ZFP82: variants seen among roughly 807,000 people sequenced by gnomAD.
ZFP82 encodes the protein zinc finger protein 82 homolog.
In ZFP82, 30 loss-of-function variants were observed where a neutral mutation model predicts 54.0. The observed-to-expected ratio is 0.56, with a 90% CI of 0.42 to 0.75. ZFP82 has a LOEUF of 0.75. ZFP82 is among the 30% of genes least tolerant of loss of function. The probability of loss-of-function intolerance (pLI) is 0.00; values close to 1 mark genes in which losing one functional copy is unlikely to be tolerated. For synonymous variants in ZFP82, 194 were observed against 209.5 expected, an observed-to-expected ratio of 0.93 and a Z score of 0.64; for missense variants, 500 against 636.8, an observed-to-expected ratio of 0.79 and a Z score of 2.31.
intron 1 of ZFP82, among the ~76,000 whole-genome samples, chr19:36,417,072 C>CAAAAAAA (rs140495874): frequency 3.0e-5 from 2 of 65,646 alleles, no homozygotes. Context: ...GACCCTGTCT[C>CAAAAAAA]AAAAAAAAAA....
intron 4 of ZFP82, among the ~76,000 whole-genome samples, chr19:36,402,110 T>C (rs2032394531): frequency 1.3e-5 from 2 of 152,250 alleles, no homozygotes; most frequent in Admixed American, 6.5e-5. Flanking sequence ...ACTTGGAACC[T>C]CTGCAATACA....
chr19:36,402,252 A>G (rs556154426), intron 4 of ZFP82, among the ~76,000 whole-genome samples: 2 of 152,222 alleles, frequency 1.3e-5, no homozygotes, highest in South Asian at 4.2e-4. Flanking sequence ...GCGGATCACA[A>G]GGTCAGGAGA....
intron 3 of ZFP82, among the ~76,000 whole-genome samples, chr19:36,407,178 G>A (rs967415592): frequency 6.9e-6 from 1 of 145,462 alleles, no homozygotes; most frequent in Non-Finnish European, 1.5e-5. Flanking sequence ...CCGGGTTCAC[G>A]CCATTCTCCT....
At chr19:36,406,916 C>T (rs897511097) in intron 3 of ZFP82, among the ~76,000 whole-genome samples, 6 of 152,080 alleles carry the variant, frequency 3.9e-5, no homozygotes, top group Admixed American at 6.5e-5. Flanking sequence ...ATATCCATCA[C>T]CTCAAATATT....
chr19:36,394,905 T>A (rs573746105), intron 4 of ZFP82: 4 of 152,290 alleles, frequency 2.6e-5, no homozygotes, highest in Admixed American at 2.6e-4. Flanking sequence ...CCTATAAACC[T>A]CCTCAAGGAC....
intron 4 of ZFP82, among the ~76,000 whole-genome samples, chr19:36,401,047 A>G (rs1390095862): frequency 7.3e-6 from 1 of 136,166 alleles, no homozygotes; most frequent in Admixed American, 7.9e-5. Context: ...TTTTATCTCA[A>G]TGGCTGCCCC....
chr19:36,408,614 G>A (rs1017661782), intron 2 of ZFP82, among the ~76,000 whole-genome samples: 3 of 152,140 alleles, frequency 2.0e-5, no homozygotes, highest in African/African-American at 7.2e-5. Context: ...GAGGTCGGGA[G>A]TTCGAGACCA....
At position 36,390,331 on chromosome 19, in the gene ZFP82, C is replaced by CTTTTTTTT. The variant is rs10695573; in HGVS notation, c.*2402_*2409dup. On this transcript the variant is annotated 3_prime_UTR_variant, in exon 5 of 5. Coordinates refer to ENST00000392161, the MANE Select transcript of ZFP82 (RefSeq NM_133466.4). ...TTAAAGTGTAGGATTCCATTTTTGT[C>CTTTTTTTT]TTTTTTTTTTTTTTTTTTGACATGT... 97 of 130,650 alleles carry CTTTTTTTT rather than the reference C, an allele frequency of 7.4e-4. No homozygotes were observed. The highest frequency in any genetic ancestry group is 2.7e-3 in the African/African-American group (90 of 33,800). The allele number at this position is 130,650 out of a possible 1,614,324, so 8.1% of individuals were successfully genotyped here.
intron 3 of ZFP82, among the ~76,000 whole-genome samples, chr19:36,406,952 A>G (rs1305886411): frequency 2.0e-5 from 3 of 152,242 alleles, no homozygotes; most frequent in Non-Finnish European, 4.4e-5. Flanking sequence ...TTGTAGTGAG[A>G]ACATTAAAAA....
At chr19:36,400,689 C>A (rs2032368365) in intron 4 of ZFP82, among the ~76,000 whole-genome samples, 1 of 152,198 alleles carries the variant, frequency 6.6e-6, no homozygotes, top group Non-Finnish European at 1.5e-5. Flanking sequence ...ATGCCTTTCT[C>A]TACTGCACTG....
intron 1 of ZFP82, among the ~76,000 whole-genome samples, chr19:36,410,356 G>A (rs929034304): frequency 1.3e-5 from 2 of 152,054 alleles, no homozygotes; most frequent in Admixed American, 1.3e-4. Context: ...AACAGGCATG[G>A]ATTCATGCTC....
chr19:36,393,075 T>C lies in ZFP82; in HGVS notation c.1265A>G (p.Tyr422Cys), dbSNP rs2032229971. Residue 422 changes from tyrosine to cysteine, a missense_variant, in exon 5 of 5, where the codon TAT (tyrosine) becomes TGT (cysteine). By Grantham distance (194) the Tyr-to-Cys change is radical. Transcript: ENST00000392161. ...GGCCTTCCCGCATTCCTTACAGTCA[T>C]AGGGCTTAACACCAATATGAATACT... ...HQSIHIGVKPYDCKECGKAFR... is the reference protein window; with the variant it reads ...HQSIHIGVKPCDCKECGKAFR... The C allele has an allele frequency of 6.2e-7, 1 of 1,614,128 alleles. No homozygotes were observed. Among genetic ancestry groups the C allele is most frequent in the Non-Finnish European group, 8.5e-7 (1 of 1,180,022 alleles).
rs913095368 is a variant in ZFP82, at chr19:36,416,736, A to G, written c.-79+1756T>C. ...ACACCATTGCACTCCAGCCTGGGAA[A>G]TAAGAGCGAAACTCCGTCTCAAAAA... On this transcript the variant is annotated intron_variant, in intron 1 of 4. Transcript: ENST00000392161. Among the ~76,000 whole-genome samples, 5 of 145,032 alleles carry G rather than the reference A, an allele frequency of 3.4e-5. 1 individual carries two copies. The highest frequency in any genetic ancestry group is 1.0e-4 in the African/African-American group (4 of 39,050).
In ZFP82 at chr19:36,407,924, A is replaced by G. The variant is rs747907908; in HGVS notation, c.99T>C (p.Asp33=). Reference sequence around the variant, plus strand: ...AGTTGCTGTAGTTCTCCAACATGACATCTCTGTACAAGTCCTTTTGTTCCA... The same window carrying G: ...AGTTGCTGTAGTTCTCCAACATGACGTCTCTGTACAAGTCCTTTTGTTCCA... ...LDLEQKDLYR[D]VMLENYSNLV... The change falls in exon 3 of 5, where the codon GAT becomes GAC. Residue 33 remains aspartate (D), a synonymous_variant. Coordinates refer to ENST00000392161, the MANE Select transcript of ZFP82 (RefSeq NM_133466.4). 3 of 1,613,952 alleles carry G rather than the reference A, an allele frequency of 1.9e-6. No individual in the cohort carries two copies. The East Asian group carries it at 6.7e-5, about 36-fold the overall frequency.
intron 4 of ZFP82, among the ~76,000 whole-genome samples, chr19:36,399,414 T>A (rs1350740953): frequency 6.6e-6 from 1 of 152,172 alleles, no homozygotes; most frequent in African/African-American, 2.4e-5. Flanking sequence ...TCAGATAAAC[T>A]TAACCCTCAG....
rs551585500 is a variant in ZFP82 at position 36,394,225 on chromosome 19, T to A, written c.230-115A>T. On this transcript the variant is annotated intron_variant, in intron 4 of 4. Transcript: ENST00000392161. ...AATCCTTAACCAAAACTCTAAAATA[T>A]TGTTATACAATTTGGAAAGAAAAAA... 3 of 986,012 alleles carry A rather than the reference T, an allele frequency of 3.0e-6. No individual in the cohort carries two copies. The South Asian group carries it at 5.0e-5, about 16-fold the overall frequency. 61.1% of individuals were successfully genotyped at this position (986,012 alleles called of 1,614,324 possible).
At chr19:36,417,136 G>T (rs1231748672) in intron 1 of ZFP82, among the ~76,000 whole-genome samples, 1 of 150,168 alleles carries the variant, frequency 6.7e-6, no homozygotes, top group Non-Finnish European at 1.5e-5. Context: ...ATCTGATCTG[G>T]CTCATTTATT....
intron 1 of ZFP82, among the ~76,000 whole-genome samples, chr19:36,415,403 T>C (rs2032653250): frequency 6.6e-6 from 1 of 152,070 alleles, no homozygotes; most frequent in African/African-American, 2.4e-5. Context: ...TCTTTTTTTT[T>C]TGGAGACTGA....
chr19:36,412,542 T>C (rs1463149545), intron 1 of ZFP82, among the ~76,000 whole-genome samples: 1 of 152,198 alleles, frequency 6.6e-6, no homozygotes, highest in East Asian at 1.9e-4. Context: ...TCTGCCTATA[T>C]AAACATGGCT....
Sources: gnomAD v4.1 joint callset for allele counts (sites outside exome capture counted in the v4.1 genomes callset) on GRCh38, gnomAD v4.1.1 for gene constraint, MANE v1.5 for transcripts, NCBI Gene and HGNC (gene_info 2026-07-23, HGNC 2026-07-21) for gene names.